The following WSCD1 variants were observed in gnomAD, a reference collection of about 807,000 sequenced individuals.
The protein encoded by WSCD1 is sialate:O-sulfotransferase 1.
A neutral mutation model predicts 60.4 loss-of-function variants in WSCD1; 41 were observed. That is an observed-to-expected ratio of 0.68 (90% CI 0.53 to 0.88). The LOEUF is 0.88. Among genes scored for constraint, WSCD1 ranks in the 40% least tolerant of loss-of-function variants. The pLI is 0.00. For synonymous variants in WSCD1, 361 were observed against 332.5 expected (o/e 1.09, Z -0.93); for missense variants, 784 against 796.2 (o/e 0.98, Z 0.18).
chr17:6,090,595 G>A, intron 4 of WSCD1, 90 bp downstream of exon 4: 2 of 1,516,030 alleles, frequency 1.3e-6, no homozygotes. Flanking sequence ...GAAACTACCT[G>A]GGGCAGAACC....
intron 2 of WSCD1, among the ~76,000 whole-genome samples, chr17:6,084,059 T>C (rs1332040418): frequency 6.6e-6 from 1 of 152,202 alleles, no homozygotes; most frequent in Admixed American, 6.5e-5. Flanking sequence ...GGTAAATGGT[T>C]GCTGCCCTGG....
In WSCD1 at chr17:6,081,011, AC is replaced by A; in HGVS notation, c.355del (p.His119ThrfsTer3). The A allele has an allele frequency of 6.5e-7, 1 of 1,544,770 alleles. No homozygotes were observed. The highest frequency in any genetic ancestry group is 8.7e-7 in the Non-Finnish European group (1 of 1,146,894). On this transcript the variant is annotated frameshift_variant, in exon 2 of 9. Transcript: ENST00000317744. LOFTEE classifies it high-confidence loss of function. ...ELRQLRRRWF[H>X]HFMSDSQGPP... ...CGTCAGTTGCGTCGCCGCTGGTTCC[AC>A]CACTTCATGAGTGACTCCCAGGGAC...
At position 6,089,633 on chromosome 17, in the gene WSCD1, G is replaced by A. The variant is rs946022195; in HGVS notation, c.543-688G>A. Among the ~76,000 whole-genome samples, 7 of 152,156 alleles carry A rather than the reference G, an allele frequency of 4.6e-5. No individual in the cohort carries two copies. The East Asian group carries it at 7.7e-4, about 17-fold the overall frequency. ...AAATGTTTAGAGTTGTTGTGAGCCC[G>A]TTCTAAAACCATTGGGAGCTTAAAA... is the stretch of plus-strand genomic sequence containing the variant. On this transcript the variant is annotated intron_variant, in intron 3 of 8. Transcript: ENST00000317744.
Position 6,110,540 on chromosome 17 carries a change from A to G in WSCD1, c.1010-231A>G, listed in dbSNP as rs73974672. Among the ~76,000 whole-genome samples the G allele has an allele frequency of 0.015, 2,359 of 152,256 alleles. 46 individuals are homozygous for G. Among genetic ancestry groups the G allele is most frequent in the African/African-American group, 0.051 (2,135 of 41,540 alleles). On this transcript the variant is annotated intron_variant, in intron 6 of 8. Transcript: ENST00000317744. This position sits in a 1 kb window ranked among gnomAD's most constrained non-coding sequence, Gnocchi z 4.8. Reference sequence around the variant, plus strand: ...AGGGTCCATAGGGTGTCTGATTCCCATCTTACTCCTGCACTGCAGTATTGC... The same window carrying G: ...AGGGTCCATAGGGTGTCTGATTCCCGTCTTACTCCTGCACTGCAGTATTGC...
chr17:6,097,509 G>A (rs894122606), intron 5 of WSCD1, among the ~76,000 whole-genome samples: 8 of 152,200 alleles, frequency 5.3e-5, no homozygotes, highest in Admixed American at 3.3e-4. Context: ...ACTCTTCACC[G>A]GACAGCCTGT....
chr17:6,080,668 C>T lies in WSCD1; in HGVS notation c.10C>T (p.Pro4Ser), dbSNP rs370044604. 56 of 1,613,476 alleles carry T rather than the reference C, an allele frequency of 3.5e-5. No individual in the cohort carries two copies. In the East Asian group the frequency reaches 6.5e-4, roughly 19 times the overall value. Residue 4 changes from proline to serine, a missense_variant, in exon 2 of 9, where the codon CCT becomes TCT. Pro to Ser is a moderately conservative substitution (Grantham distance 74). Coordinates refer to ENST00000317744, the MANE Select transcript of WSCD1 (RefSeq NM_015253.2). The surrounding 1 kb of genome is among the most constrained non-coding windows in gnomAD (Gnocchi z 6.6). The stretch of plus-strand genomic sequence containing the variant: ...CCTGCTGCCCAGGGGCATGGCCAAA[C>T]CTTTCTTCCGACTCCAGAAGTTTCT... MAK[P>S]FFRLQKFLRR...
intron 5 of WSCD1, among the ~76,000 whole-genome samples, chr17:6,097,590 T>C (rs1910525807): frequency 6.6e-6 from 1 of 152,244 alleles, no homozygotes; most frequent in African/African-American, 2.4e-5. Flanking sequence ...GGAGGTCCTA[T>C]AATTTATTTA....
intron 5 of WSCD1, among the ~76,000 whole-genome samples, chr17:6,105,285 G>A (rs1911024887): frequency 1.3e-5 from 2 of 152,184 alleles, no homozygotes; most frequent in Admixed American, 1.3e-4. Flanking sequence ...TCGGACACAG[G>A]CTGAGCCAGC....
chr17:6,082,970 C>G (rs1324399406), intron 2 of WSCD1, among the ~76,000 whole-genome samples: 2 of 152,124 alleles, frequency 1.3e-5, no homozygotes, highest in African/African-American at 2.4e-5. Flanking sequence ...GAAGTTCCTT[C>G]AGAAATCATT....
At chr17:6,072,577 C>G (rs1310543589) in intron 1 of WSCD1, among the ~76,000 whole-genome samples, 1 of 152,206 alleles carries the variant, frequency 6.6e-6, no homozygotes, top group Non-Finnish European at 1.5e-5. Context: ...AGGCCAAGGA[C>G]TTTGGGGCAG....
intron 5 of WSCD1, among the ~76,000 whole-genome samples, chr17:6,099,544 G>T (rs1270218536): frequency 6.6e-6 from 1 of 151,862 alleles, no homozygotes; most frequent in Non-Finnish European, 1.5e-5. Flanking sequence ...GAGCAACTGG[G>T]TTCACTCAAT....
chr17:6,091,189 A>G (rs1413415014), intron 4 of WSCD1, among the ~76,000 whole-genome samples: 1 of 152,182 alleles, frequency 6.6e-6, no homozygotes, highest in Admixed American at 6.5e-5. Flanking sequence ...CCACGCACCC[A>G]TCCAGGAGAC....
intron 8 of WSCD1, among the ~76,000 whole-genome samples, chr17:6,119,192 G>A (rs951493590): frequency 6.6e-6 from 1 of 152,182 alleles, no homozygotes; most frequent in South Asian, 2.1e-4. Context: ...GAATTTGGGG[G>A]GCATACAAGC....
intron 5 of WSCD1, among the ~76,000 whole-genome samples, chr17:6,105,544 CT>C (rs1349917281): frequency 6.6e-6 from 1 of 152,172 alleles, no homozygotes; most frequent in African/African-American, 2.4e-5. Context: ...GAAAATTGTA[CT>C]GTGTTTTCAG....
chr17:6,081,927 C>G, intron 2 of WSCD1: 1 of 152,120 alleles, frequency 6.6e-6, no homozygotes. Flanking sequence ...GTCAGGAACT[C>G]TGGGGTAGGG....
At position 6,120,650 on chromosome 17, in the gene WSCD1, G is replaced by A. The variant is rs751030491; in HGVS notation, c.1717G>A (p.Val573Met). 9.9e-6 allele frequency: 16 copies of A among 1,609,766 alleles called. 1 individual carries two copies. Among genetic ancestry groups the A allele is most frequent in the Middle Eastern group, 1.6e-4 (1 of 6,066 alleles). Reference protein sequence around the residue: ...HNWTGLPREYVPR With the variant: ...HNWTGLPREYMPR ...CTGGACGGGGCTGCCCAGGGAGTAT[G>A]TGCCCAGATGATAGGCCTGGCCCAC... Residue 573 changes from valine to methionine, a missense_variant, in exon 9 of 9, where the codon GTG (valine) becomes ATG (methionine). Transcript: ENST00000317744.
intron 7 of WSCD1, among the ~76,000 whole-genome samples, chr17:6,114,151 C>A (rs1433656580): frequency 6.3e-5 from 3 of 47,520 alleles, no homozygotes; most frequent in African/African-American, 1.2e-4. Context: ...GCTAGTTAGC[C>A]GTAAAAAAAA....
chr17:6,119,775 C>T (rs370583658), intron 8 of WSCD1, among the ~76,000 whole-genome samples: 10 of 152,264 alleles, frequency 6.6e-5, no homozygotes, highest in East Asian at 3.9e-4. Context: ...AGAAAGCAAA[C>T]GCTTCAGACG....
rs753214845 is a variant in WSCD1, at chr17:6,117,961, C to T, written c.1175-27C>T. On this transcript the variant is annotated intron_variant, in intron 7 of 8. Transcript: ENST00000317744. ...GGTGCCCCATGGACACCATCTTCCA[C>T]AGAGACCCTCTCATTTTTCCCTGCA... The T allele has an allele frequency of 6.2e-6, 10 of 1,611,340 alleles. No individual in the cohort carries two copies. In the South Asian group the frequency reaches 8.8e-5, roughly 14 times the overall value.
Sources: gnomAD v4.1 joint callset for allele counts (sites outside exome capture counted in the v4.1 genomes callset) on GRCh38, gnomAD v4.1.1 for gene constraint, Gnocchi (gnomAD v3.1) non-coding constraint, MANE v1.5 for transcripts, NCBI Gene and HGNC (gene_info 2026-07-23, HGNC 2026-07-21) for gene names.